GOLGA8H: variants seen among roughly 807,000 people sequenced by gnomAD.
The protein encoded by GOLGA8H is golgin A8 family member H.
In GOLGA8H, 47 loss-of-function variants were observed where a neutral mutation model predicts 82.7. The ratio of observed to expected loss-of-function variants is 0.57; its 90% confidence interval spans 0.45 to 0.73. The LOEUF (loss-of-function observed/expected upper bound fraction) is 0.73, where lower values mean the gene tolerates loss of function less well. Ranked by LOEUF, GOLGA8H falls within the 30% of genes least tolerant of loss-of-function variation. The pLI is 0.00. For synonymous variants in GOLGA8H, 108 were observed against 241.6 expected (o/e 0.45, Z 5.13); for missense variants, 372 against 661.0 (o/e 0.56, Z 4.79).
At position 30,615,461 on chromosome 15, in the gene GOLGA8H, C is replaced by T. The variant is rs1339960762; in HGVS notation, c.*900C>T. 2.6e-5 allele frequency among the ~76,000 whole-genome samples: 4 copies of T among 151,684 alleles called. 1 individual carries two copies. Among genetic ancestry groups the T allele is most frequent in the Non-Finnish European group, 5.9e-5 (4 of 67,918 alleles). The stretch of plus-strand genomic sequence containing the variant: ...TCCTAGCTTAGAGCATTTGTATCTA[C>T]AATACATTTTAAAGTCAGAGTTCAT... On this transcript the variant is annotated 3_prime_UTR_variant, in exon 19 of 19. Transcript: ENST00000566740.
rs538464365 is a variant in GOLGA8H at position 30,610,154 on chromosome 15, C to G, written c.786+48C>G. On this transcript the variant is annotated intron_variant, in intron 10 of 18. Coordinates refer to ENST00000566740, the MANE Select transcript of GOLGA8H (RefSeq NM_001282490.2). Reference sequence around the variant, plus strand: ...CCCCACATTAGATAGGTCACTGGATCTTTCTGGGCATCTGTAAAATGGGAA... The same window carrying G: ...CCCCACATTAGATAGGTCACTGGATGTTTCTGGGCATCTGTAAAATGGGAA... The G allele has an allele frequency of 1.3e-5, 21 of 1,608,244 alleles. No individual in the cohort carries two copies. The African/African-American group carries it at 2.7e-4, about 21-fold the overall frequency.
chr15:30,610,540 A>T (rs981764999), intron 11 of GOLGA8H, among the ~76,000 whole-genome samples, 151 bp downstream of exon 11: 5 of 148,590 alleles, frequency 3.4e-5, no homozygotes, highest in African/African-American at 1.3e-4. Context: ...TTGTCATCTC[A>T]ATGAGTCTCA....
At chr15:30,606,329 GGTGACAGA>G in intron 2 of GOLGA8H, among the ~76,000 whole-genome samples, 1 of 150,910 alleles carries the variant, frequency 6.6e-6, no homozygotes, top group South Asian at 2.1e-4. Context: ...ACTCCAGCCT[GGTGACAGA>G]GCAAGACTCT....
At chr15:30,605,657 T>TC (rs2059912703) in intron 1 of GOLGA8H, among the ~76,000 whole-genome samples, 186 bp from the exon 2 acceptor site, 1 of 150,982 alleles carries the variant, frequency 6.6e-6, no homozygotes, top group Non-Finnish European at 1.5e-5. Context: ...ATTGCCTTTT[T>TC]CTTTTTTTTT....
Position 30,615,980 on chromosome 15 carries a change from T to G in GOLGA8H, c.*1419T>G, listed in dbSNP as rs535106346. 7.5e-3 allele frequency among the ~76,000 whole-genome samples: 1,133 copies of G among 151,770 alleles called. 8 individuals carry two copies. The highest frequency in any genetic ancestry group is 0.026 in the African/African-American group (1,082 of 41,340). ...GCAATCTACTGTTCGTGAATGTCAA[T>G]GTATTATCAGGAAACGTGTCTATAC... On this transcript the variant is annotated 3_prime_UTR_variant, in exon 19 of 19. Coordinates refer to ENST00000566740, the MANE Select transcript of GOLGA8H (RefSeq NM_001282490.2).
rs77946152 is a variant in GOLGA8H, at chr15:30,609,050, C to T, written c.591+294C>T. Reference sequence around the variant, plus strand: ...GTCCTAGGTGGGGTATTGGGTACTTCTACTGTGAAGGTACAGAAGAGTACC... The same window carrying T: ...GTCCTAGGTGGGGTATTGGGTACTTTTACTGTGAAGGTACAGAAGAGTACC... On this transcript the variant is annotated intron_variant, in intron 8 of 18. Transcript: ENST00000566740. Among the ~76,000 whole-genome samples the T allele has an allele frequency of 3.8e-3, 437 of 115,184 alleles. 10 individuals carry two copies. Among genetic ancestry groups the T allele is most frequent in the African/African-American group, 0.015 (419 of 27,758 alleles). 75.6% of individuals were successfully genotyped at this position (115,184 alleles called of 152,430 possible).
In GOLGA8H at chr15:30,606,147, G is replaced by T. The variant is rs563315884; in HGVS notation, c.168+185G>T. On this transcript the variant is annotated intron_variant, in intron 2 of 18. Coordinates refer to ENST00000566740, the MANE Select transcript of GOLGA8H (RefSeq NM_001282490.2). Reference sequence around the variant, plus strand: ...AGGCAGGCGGATCATGAGGTCAGGCGATCGAGACCATCCTGGTTAACACGG... The same window carrying T: ...AGGCAGGCGGATCATGAGGTCAGGCTATCGAGACCATCCTGGTTAACACGG... 3.3e-5 allele frequency among the ~76,000 whole-genome samples: 5 copies of T among 151,760 alleles called. No homozygotes were observed. In the South Asian group the frequency reaches 6.2e-4, roughly 19 times the overall value.
chr15:30,609,201 A>G (rs1436625162), intron 8 of GOLGA8H, among the ~76,000 whole-genome samples: 1 of 119,182 alleles, frequency 8.4e-6, no homozygotes, highest in East Asian at 2.1e-4. Flanking sequence ...AAAATTCAGG[A>G]GAGAGCAACA....
chr15:30,615,295 T>G lies in GOLGA8H; in HGVS notation c.*734T>G, dbSNP rs1455477253. Among the ~76,000 whole-genome samples, 2 of 151,800 alleles carry G rather than the reference T, an allele frequency of 1.3e-5. No homozygotes were observed. Among genetic ancestry groups the G allele is most frequent in the Non-Finnish European group, 2.9e-5 (2 of 67,932 alleles). On this transcript the variant is annotated 3_prime_UTR_variant, in exon 19 of 19. Coordinates refer to ENST00000566740, the MANE Select transcript of GOLGA8H (RefSeq NM_001282490.2). Reference sequence around the variant, plus strand: ...TTAGCAGTGTATTATGGTGGTTCCCTTAGGATTTGTATGTGCTCTGGGCTC... The same window carrying G: ...TTAGCAGTGTATTATGGTGGTTCCCGTAGGATTTGTATGTGCTCTGGGCTC...
chr15:30,608,383 G>A lies in GOLGA8H; in HGVS notation c.396+5G>A. On this transcript the variant is annotated splice_donor_5th_base_variant and intron_variant, in intron 6 of 18. Transcript: ENST00000566740. ...AAAGCCAAAAGGGTGCTAGAGGTGA[G>A]TGGAGGGTGTGCAGTTTCCTCCTGT... 1.3e-6 allele frequency: 2 copies of A among 1,569,272 alleles called. No individual in the cohort carries two copies. The highest frequency in any genetic ancestry group is 1.1e-5 in the South Asian group (1 of 87,760).
rs1410688200 is a variant in GOLGA8H, at chr15:30,612,620, G to A, written c.1224G>A (p.Gln408=). Residue 408 remains glutamine (Q), a synonymous_variant, in exon 14 of 19, where the codon CAG becomes CAA. Transcript: ENST00000566740. ...LGEEHLEAAS[Q]QNQQLTAQLS... ...AGGAGCACCTGGAAGCTGCCAGCCAGCAGAACCAGCAGCTAACGGCCCAGC... is the reference window on the plus strand; with the variant it reads ...AGGAGCACCTGGAAGCTGCCAGCCAACAGAACCAGCAGCTAACGGCCCAGC... The A allele has an allele frequency of 6.3e-7, 1 of 1,594,320 alleles. No individual in the cohort carries two copies. The highest frequency in any genetic ancestry group is 1.1e-5 in the South Asian group (1 of 90,158).
Position 30,608,696 on chromosome 15 carries a change from A to C in GOLGA8H, c.531A>C (p.Lys177Asn). The change falls in exon 8 of 19, where the codon AAA (lysine) becomes AAC (asparagine). Residue 177 changes from lysine (K) to asparagine (N), a missense_variant. By Grantham distance (94) the Lys-to-Asn change is moderately conservative (BLOSUM62 0). Coordinates refer to ENST00000566740, the MANE Select transcript of GOLGA8H (RefSeq NM_001282490.2). ...AVCLQHSLQRKGELESVLSNV... is the reference protein window; with the variant it reads ...AVCLQHSLQRNGELESVLSNV... The stretch of plus-strand genomic sequence containing the variant: ...GCCTGCAACATTCATTGCAGCGTAA[A>C]GGAGAGTTAGAGAGTGTTCTCTCTA... 6.5e-7 allele frequency: 1 copy of C among 1,544,734 alleles called. No individual in the cohort carries two copies. The highest frequency in any genetic ancestry group is 8.8e-7 in the Non-Finnish European group (1 of 1,137,120).
intron 11 of GOLGA8H, 127 bp downstream of exon 11, chr15:30,610,516 G>C (rs1272676013): frequency 4.8e-6 from 3 of 623,386 alleles, no homozygotes; most frequent in East Asian, 2.7e-5. Flanking sequence ...ATCTGTGCCA[G>C]GAGACGGCGA....
rs1214393267 is a variant in GOLGA8H, at chr15:30,610,707, G to C, written c.875-59G>C. ...GAGCCTGAGAGGAGCTGTGCGCCAAGAGGAGGGTTTTTCTTTTCCGAGAAT... is the reference window on the plus strand; with the variant it reads ...GAGCCTGAGAGGAGCTGTGCGCCAACAGGAGGGTTTTTCTTTTCCGAGAAT... On this transcript the variant is annotated intron_variant, in intron 11 of 18. Coordinates refer to ENST00000566740, the MANE Select transcript of GOLGA8H (RefSeq NM_001282490.2). 6.7e-6 allele frequency: 4 copies of C among 593,604 alleles called. No homozygotes were observed. In the East Asian group the frequency reaches 1.1e-4, roughly 16 times the overall value. The allele number at this position is 593,604 out of a possible 1,614,324, so 36.8% of individuals were successfully genotyped here.
rs1403771663 is a variant in GOLGA8H at position 30,608,347 on chromosome 15, A to G, written c.365A>G (p.Asn122Ser). ...TTCCTACAGGAAAAGAAAGCAAACA[A>G]CAAGAAACAGAAAGCCAAAAGGGTG... ...HQLEEEKKANNKKQKAKRVLE... is the reference protein window; with the variant it reads ...HQLEEEKKANSKKQKAKRVLE... Residue 122 changes from asparagine to serine, a missense_variant, in exon 6 of 19, where the codon AAC (asparagine) becomes AGC (serine). Transcript: ENST00000566740. 6.3e-7 allele frequency: 1 copy of G among 1,587,516 alleles called. No individual in the cohort carries two copies. The highest frequency in any genetic ancestry group is 1.1e-5 in the South Asian group (1 of 89,538).
intron 2 of GOLGA8H, among the ~76,000 whole-genome samples, chr15:30,606,460 A>G (rs1378729249): frequency 6.6e-6 from 1 of 151,222 alleles, no homozygotes; most frequent in Non-Finnish European, 1.5e-5. Flanking sequence ...CTCTCTTTTC[A>G]CATCTGTATA....
At position 30,611,555 on chromosome 15, in the gene GOLGA8H, T is replaced by A. The variant is rs1290367988; in HGVS notation, c.1200+209T>A. ...CCTGGGCTCCTCTCAGGTCTGGACATCATCATCCCAGCTAGAGGCATGGAG... is the reference window on the plus strand; with the variant it reads ...CCTGGGCTCCTCTCAGGTCTGGACAACATCATCCCAGCTAGAGGCATGGAG... On this transcript the variant is annotated intron_variant, in intron 13 of 18. Coordinates refer to ENST00000566740, the MANE Select transcript of GOLGA8H (RefSeq NM_001282490.2). Among the ~76,000 whole-genome samples the A allele has an allele frequency of 4.0e-5, 6 of 151,014 alleles. No homozygotes were observed. In the East Asian group the frequency reaches 9.9e-4, roughly 25 times the overall value.
intron 13 of GOLGA8H, 58 bp from the exon 14 acceptor site, chr15:30,612,539 C>T (rs1057431551): frequency 3.2e-6 from 5 of 1,548,384 alleles, no homozygotes; most frequent in South Asian, 1.1e-5. Flanking sequence ...GAGGATGGGG[C>T]TGTGAGGGGG....
intron 8 of GOLGA8H, among the ~76,000 whole-genome samples, chr15:30,609,110 C>T (rs1255887166): frequency 1.1e-5 from 1 of 90,816 alleles, no homozygotes; most frequent in Non-Finnish European, 2.2e-5. Flanking sequence ...AAAGAGGAAA[C>T]GTGTGTGCGT....
Sources: allele counts gnomAD v4.1 joint callset (sites outside exome capture counted in the v4.1 genomes callset), GRCh38; gene constraint gnomAD v4.1.1; transcripts MANE v1.5; gene names NCBI Gene and HGNC (gene_info 2026-07-23, HGNC 2026-07-21).